COQ10B: variants seen among roughly 807,000 people sequenced by gnomAD.
COQ10B encodes the protein coenzyme Q-binding protein COQ10 homolog B, mitochondrial.
COQ10B carries 12 observed loss-of-function variants against 27.6 expected under a neutral mutation model. The observed-to-expected ratio is 0.43, with a 90% CI of 0.28 to 0.70. The LOEUF is 0.70. Ranked by LOEUF, COQ10B falls within the 30% of genes least tolerant of loss-of-function variation. The pLI, the probability that COQ10B is intolerant of heterozygous loss-of-function variation, is 0.17. For synonymous variants in COQ10B, 115 were observed against 103.0 expected (o/e 1.12, Z -0.71); for missense variants, 278 against 288.7 (o/e 0.96, Z 0.27).
intron 3 of COQ10B, among the ~76,000 whole-genome samples, chr2:197,463,996 T>TATAC (rs1553574096): frequency 3.3e-4 from 11 of 32,854 alleles, no homozygotes; most frequent in African/African-American, 9.6e-4. Flanking sequence ...TATATATATA[T>TATAC]ACACACACAC....
chr2:197,460,593 C>T (rs911547205), intron 2 of COQ10B, among the ~76,000 whole-genome samples: 5 of 152,146 alleles, frequency 3.3e-5, no homozygotes, highest in African/African-American at 1.2e-4. Context: ...TTATTTATGA[C>T]TTACATTTTT....
rs536087990 is a variant in COQ10B at position 197,459,949 on chromosome 2, G to A, written c.122G>A (p.Gly41Asp). 1 of 1,605,420 alleles carries A rather than the reference G, an allele frequency of 6.2e-7. No individual in the cohort carries two copies. The highest frequency in any genetic ancestry group is 8.5e-7 in the Non-Finnish European group (1 of 1,176,762). ...CTTTTCAGATATTTAGCTTCCTGTG[G>A]TATACTGATGAGCAGAACTCTTCCA... ...VRNGRYLASC[G>D]ILMSRTLPLH... is the part of the protein sequence containing the mutation. Residue 41 changes from glycine (G) to aspartate (D), a missense_variant, in exon 2 of 5, where the codon GGT becomes GAT. Gly to Asp is a moderately conservative substitution (Grantham distance 94). Around this residue, in one of 3 missense-constraint regions of COQ10B, gnomAD observed 183 missense variants for 158.2 expected, o/e 1.16. Transcript: ENST00000263960.
chr2:197,473,903 T>G lies in COQ10B; in HGVS notation c.696T>G (p.Leu232=). The change falls in exon 5 of 5, where the codon CTT becomes CTG. Residue 232 remains leucine, a synonymous_variant. Transcript: ENST00000263960. ...PETNIPRELM[L]HEVHHT ...CAAATATACCTCGGGAGTTAATGCT[T>G]CATGAAGTCCATCACACATAAAGGC... 2 of 1,569,480 alleles carry G rather than the reference T, an allele frequency of 1.3e-6. No homozygotes were observed. Among genetic ancestry groups the G allele is most frequent in the Non-Finnish European group, 1.7e-6 (2 of 1,155,812 alleles).
At chr2:197,456,591 C>T (rs1196822677) in intron 1 of COQ10B, among the ~76,000 whole-genome samples, 1 of 151,402 alleles carries the variant, frequency 6.6e-6, no homozygotes, top group African/African-American at 2.4e-5. Context: ...AGTGAAACCC[C>T]ATCTCAACTA....
At chr2:197,464,555 A>G (rs1574583086) in intron 3 of COQ10B, among the ~76,000 whole-genome samples, 1 of 152,148 alleles carries the variant, frequency 6.6e-6, no homozygotes, top group South Asian at 2.1e-4. Context: ...GGATTTTGCT[A>G]TTATTACAAA....
chr2:197,460,447 T>C (rs992907315), intron 2 of COQ10B, among the ~76,000 whole-genome samples: 1 of 152,196 alleles, frequency 6.6e-6, no homozygotes, highest in East Asian at 1.9e-4. Context: ...TGCCTTGGCC[T>C]CCCAAAGTGC....
intron 4 of COQ10B, among the ~76,000 whole-genome samples, chr2:197,471,586 T>C (rs2085878033): frequency 6.6e-6 from 1 of 152,226 alleles, no homozygotes; most frequent in African/African-American, 2.4e-5. Context: ...CAATTTTGAC[T>C]AAATTATCGT....
chr2:197,464,653 T>G (rs2106052301), intron 3 of COQ10B, among the ~76,000 whole-genome samples: 1 of 152,266 alleles, frequency 6.6e-6, no homozygotes, highest in Non-Finnish European at 1.5e-5. Context: ...ATTTTACTGC[T>G]TTACTTGAAT....
At chr2:197,459,206 C>T (rs1448312962) in intron 1 of COQ10B, among the ~76,000 whole-genome samples, 1 of 152,128 alleles carries the variant, frequency 6.6e-6, no homozygotes, top group African/African-American at 2.4e-5. Context: ...CGCCCTGTCA[C>T]CCAGGCTGCA....
In COQ10B at chr2:197,470,074, C is replaced by T; in HGVS notation, c.452C>T (p.Ser151Phe). The T allele has an allele frequency of 6.2e-7, 1 of 1,605,910 alleles. No individual in the cohort carries two copies. Among genetic ancestry groups the T allele is most frequent in the Non-Finnish European group, 8.5e-7 (1 of 1,173,362 alleles). The change falls in exon 4 of 5, where the codon TCT becomes TTT. Residue 151 changes from serine to phenylalanine, a missense_variant. Around this residue, in one of 3 missense-constraint regions of COQ10B, gnomAD observed 83 missense variants for 104.5 expected, o/e 0.79. Coordinates refer to ENST00000263960, the MANE Select transcript of COQ10B (RefSeq NM_025147.5). ...TLVKPHLVKA[S>F]CTDGRLFNHL... ...TATTTTTTCATTTTGTTGTAGGCAT[C>T]TTGTACTGATGGGAGACTTTTCAAT...
intron 1 of COQ10B, among the ~76,000 whole-genome samples, chr2:197,454,873 G>T (rs557310331): frequency 7.9e-5 from 12 of 152,140 alleles, no homozygotes; most frequent in African/African-American, 2.7e-4. Context: ...ACTGGAAGAC[G>T]AGTGACAAAA....
intron 2 of COQ10B, among the ~76,000 whole-genome samples, chr2:197,460,580 A>G (rs2085745897): frequency 6.6e-6 from 1 of 152,240 alleles, no homozygotes; most frequent in Non-Finnish European, 1.5e-5. Flanking sequence ...CATGTAAAGA[A>G]AATTATTTAT....
At chr2:197,464,052 CG>C (rs1268518264) in intron 3 of COQ10B, among the ~76,000 whole-genome samples, 2 of 67,434 alleles carry the variant, frequency 3.0e-5, no homozygotes, top group East Asian at 8.1e-4. Flanking sequence ...TATATATATA[CG>C]TATATATATA....
intron 3 of COQ10B, among the ~76,000 whole-genome samples, chr2:197,464,930 G>C (rs1029349297): frequency 6.8e-6 from 1 of 148,136 alleles, no homozygotes; most frequent in African/African-American, 2.5e-5. Context: ...CTGGAGTGCA[G>C]TGGCGCTTCC....
chr2:197,454,028 G>C (rs539106216), intron 1 of COQ10B: 4 of 1,551,278 alleles, frequency 2.6e-6, no homozygotes, highest in South Asian at 2.4e-5. Flanking sequence ...GCTGCTGGCT[G>C]TATGGGAGTT....
At chr2:197,460,165 T>G (rs2085741320) in intron 2 of COQ10B, 84 bp downstream of exon 2, 3 of 950,476 alleles carry the variant, frequency 3.2e-6, no homozygotes, top group Non-Finnish European at 4.6e-6. Flanking sequence ...TCTCTCTGGA[T>G]TATCTTCTTA....
At chr2:197,459,814 G>T (rs1423703680) in intron 1 of COQ10B, 118 bp from the exon 2 acceptor site, 1 of 604,678 alleles carries the variant, frequency 1.7e-6, no homozygotes, top group African/African-American at 1.9e-5. Context: ...TATTTTTTCA[G>T]AAACATTCTG....
chr2:197,460,224 T>C, intron 2 of COQ10B, 143 bp downstream of exon 2: 1 of 546,282 alleles, frequency 1.8e-6, no homozygotes, highest in Non-Finnish European at 3.0e-6. Context: ...TTTTTTTTTT[T>C]TTCTTTTGAG....
chr2:197,459,343 T>G (rs1189883575), intron 1 of COQ10B, among the ~76,000 whole-genome samples: 1 of 152,114 alleles, frequency 6.6e-6, no homozygotes, highest in Non-Finnish European at 1.5e-5. Flanking sequence ...ATTTTTAAAT[T>G]TTTTTGTAGA....
Sources: allele counts gnomAD v4.1 joint callset (sites outside exome capture counted in the v4.1 genomes callset), GRCh38; gene constraint gnomAD v4.1.1; regional missense constraint gnomAD v4.1.1; transcripts MANE v1.5; gene names NCBI Gene and HGNC (gene_info 2026-07-23, HGNC 2026-07-21).